The following FRMD5 variants were observed in gnomAD, a reference collection of about 807,000 sequenced individuals.
FRMD5 encodes FERM domain containing 5, also known as FERM domain-containing protein 5.
Under a neutral mutation model 69.0 loss-of-function variants are expected in FRMD5, and 20 were observed. The ratio of observed to expected loss-of-function variants is 0.29; its 90% CI spans 0.20 to 0.42. The LOEUF (loss-of-function observed/expected upper bound fraction) is 0.42, where lower values mean the gene tolerates loss of function less well. Ranked by LOEUF, FRMD5 falls within the 10% of genes least tolerant of loss-of-function variation. The probability of loss-of-function intolerance (pLI) is 1.00; values close to 1 mark genes in which losing one functional copy is unlikely to be tolerated. For synonymous variants in FRMD5, 271 were observed against 260.1 expected, an observed-to-expected ratio of 1.04 and a Z score of -0.40; for missense variants, 595 against 708.6, an observed-to-expected ratio of 0.84 and a Z score of 1.82.
At chr15:44,097,408 C>A (rs1036020851) in intron 1 of FRMD5, among the ~76,000 whole-genome samples, 2 of 152,204 alleles carry the variant, frequency 1.3e-5, no homozygotes, top group Admixed American at 6.5e-5. Flanking sequence ...TAGGGCTTAT[C>A]TGGGTCAGAC....
intron 1 of FRMD5, among the ~76,000 whole-genome samples, chr15:43,979,335 CAAA>C (rs34106212): frequency 4.7e-5 from 6 of 126,792 alleles, no homozygotes; most frequent in Non-Finnish European, 7.0e-5. Flanking sequence ...AACTCTGTCT[CAAA>C]AAAAAAAAAA....
At chr15:44,127,623 C>CAG (rs1209001409) in intron 1 of FRMD5, among the ~76,000 whole-genome samples, 1 of 152,082 alleles carries the variant, frequency 6.6e-6, no homozygotes, top group Non-Finnish European at 1.5e-5. Context: ...CCCGTAATGC[C>CAG]AGCACTTTGG....
chr15:44,144,554 A>C (rs1049992821), intron 1 of FRMD5, among the ~76,000 whole-genome samples: 1 of 152,170 alleles, frequency 6.6e-6, no homozygotes, highest in Non-Finnish European at 1.5e-5. Flanking sequence ...CAGGGTCCCC[A>C]AAGGATCCTA....
chr15:44,146,530 C>T (rs1369395774), intron 1 of FRMD5, among the ~76,000 whole-genome samples: 1 of 152,184 alleles, frequency 6.6e-6, no homozygotes, highest in Non-Finnish European at 1.5e-5. Flanking sequence ...ATTGCTGGGT[C>T]AAATGGTATT....
At chr15:44,198,690 C>T (rs1054794641), upstream of FRMD5, among the ~76,000 whole-genome samples, 11 of 152,202 alleles carry the variant, frequency 7.2e-5, no homozygotes, top group African/African-American at 2.7e-4. Context: ...AGAGCAAGAC[C>T]TTGTCTCCAA....
rs373990283 is a variant in FRMD5, at chr15:44,195,191, T to G, written c.-137A>C. On this transcript the variant is annotated 5_prime_UTR_variant, in exon 1 of 14. Coordinates refer to ENST00000417257, the MANE Select transcript of FRMD5 (RefSeq NM_032892.5). ...CCCCGTCGCTGCCGTTGCCTCCTGC[T>G]GGCCTCGTTCCTCCTCCTTATCCTC... 13 of 617,278 alleles carry G rather than the reference T, an allele frequency of 2.1e-5. No individual in the cohort carries two copies. Among genetic ancestry groups the G allele is most frequent in the African/African-American group, 5.9e-5 (3 of 50,648 alleles). 38.2% of individuals were successfully genotyped at this position (617,278 alleles called of 1,614,324 possible).
intron 1 of FRMD5, among the ~76,000 whole-genome samples, chr15:44,090,347 T>G (rs970191032): frequency 1.3e-5 from 2 of 152,088 alleles, no homozygotes; most frequent in African/African-American, 4.8e-5. Flanking sequence ...TTTCAGAATA[T>G]ACAAGATTTA....
chr15:44,168,880 A>C (rs1399108395), intron 1 of FRMD5, among the ~76,000 whole-genome samples: 1 of 152,060 alleles, frequency 6.6e-6, no homozygotes, highest in Non-Finnish European at 1.5e-5. Flanking sequence ...TCATCCTAAC[A>C]CCCACCTGCT....
intron 1 of FRMD5, among the ~76,000 whole-genome samples, chr15:44,049,816 C>A (rs1312290919): frequency 6.6e-6 from 1 of 152,120 alleles, no homozygotes; most frequent in Non-Finnish European, 1.5e-5. Flanking sequence ...CCTACTAATT[C>A]CTCTATGAAA....
At chr15:43,950,083 A>C (rs1328030229) in intron 1 of FRMD5, among the ~76,000 whole-genome samples, 1 of 152,184 alleles carries the variant, frequency 6.6e-6, no homozygotes, top group Non-Finnish European at 1.5e-5. Flanking sequence ...GTTGTCCTAC[A>C]CTGCATCTGG....
chr15:44,194,465 C>G (rs1435036553), intron 1 of FRMD5: 2 of 215,280 alleles, frequency 9.3e-6, no homozygotes, highest in Non-Finnish European at 1.9e-5. Flanking sequence ...AAAGCTCTGA[C>G]TCACAAATGG....
intron 1 of FRMD5, among the ~76,000 whole-genome samples, chr15:44,128,824 T>C (rs577671941): frequency 6.6e-6 from 1 of 151,232 alleles, no homozygotes; most frequent in East Asian, 1.9e-4. Flanking sequence ...AATAGGGAAA[T>C]TAAAGGAGCT....
Position 43,874,313 on chromosome 15 carries a change from T to TGTCTGCAGGGCTGTAGGCCTC in FRMD5, c.1264_1284dup (p.Glu422_Asp428dup). 1 of 1,614,238 alleles carries TGTCTGCAGGGCTGTAGGCCTC rather than the reference T, an allele frequency of 6.2e-7. No homozygotes were observed. The highest frequency in any genetic ancestry group is 1.1e-5 in the South Asian group (1 of 91,086). ...TCAGCCACAGGGGTGGGCAGCACGC[T>TGTCTGCAGGGCTGTAGGCCTC]GTCTGCAGGGCTGTAGGCCTCGTCT... is the stretch of plus-strand genomic sequence containing the variant. On this transcript the variant is annotated inframe_insertion, in exon 14 of 14. Coordinates refer to ENST00000417257, the MANE Select transcript of FRMD5 (RefSeq NM_032892.5).
chr15:44,127,026 C>T (rs2077032761), intron 1 of FRMD5, among the ~76,000 whole-genome samples: 2 of 152,112 alleles, frequency 1.3e-5, no homozygotes, highest in Non-Finnish European at 1.5e-5. Context: ...ATAATAAACA[C>T]CTAGAGAGGA....
intron 7 of FRMD5, among the ~76,000 whole-genome samples, chr15:43,901,270 C>T (rs992692888): frequency 3.3e-5 from 5 of 152,230 alleles, no homozygotes; most frequent in African/African-American, 9.6e-5. Context: ...AGACAATAGA[C>T]TTCTGTTCTT....
chr15:44,154,167 A>C (rs1367251053), intron 1 of FRMD5, among the ~76,000 whole-genome samples: 3 of 152,056 alleles, frequency 2.0e-5, no homozygotes, highest in East Asian at 3.9e-4. Flanking sequence ...TATAAAAAAT[A>C]CAAAAATTAA....
chr15:44,053,700 G>C (rs529593124), intron 1 of FRMD5, among the ~76,000 whole-genome samples: 14 of 152,246 alleles, frequency 9.2e-5, no homozygotes, highest in African/African-American at 3.1e-4. Flanking sequence ...CACTGTAAGA[G>C]GACCAGGTTT....
At chr15:43,883,460 C>T (rs1444804942) in intron 13 of FRMD5, among the ~76,000 whole-genome samples, 1 of 152,186 alleles carries the variant, frequency 6.6e-6, no homozygotes, top group African/African-American at 2.4e-5. Flanking sequence ...CCCACATATG[C>T]AAGTCCCCCA....
chr15:43,961,146 T>C (rs937616685), intron 1 of FRMD5, among the ~76,000 whole-genome samples: 1 of 152,078 alleles, frequency 6.6e-6, no homozygotes, highest in African/African-American at 2.4e-5. Flanking sequence ...ACAAAATTGA[T>C]AGACTGCTAG....
Sources: allele counts gnomAD v4.1 joint callset (sites outside exome capture counted in the v4.1 genomes callset), GRCh38; gene constraint gnomAD v4.1.1; transcripts MANE v1.5; gene names NCBI Gene and HGNC (gene_info 2026-07-23, HGNC 2026-07-21).